Variants in CYP20A1 observed in about 807,000 individuals in gnomAD.
CYP20A1 encodes cytochrome P450 20A1.
CYP20A1 carries 61 observed loss-of-function variants against 61.4 expected under a neutral mutation model. The observed-to-expected ratio is 0.99, with a 90% CI of 0.81 to 1.23. The LOEUF is 1.23. Among genes scored for constraint, CYP20A1 ranks in the 50% most tolerant of loss-of-function variants. The pLI, the probability that CYP20A1 is intolerant of heterozygous loss-of-function variation, is 0.00. For missense variants in CYP20A1, 530 were observed against 542.4 expected, an observed-to-expected ratio of 0.98 and a Z score of 0.23; for synonymous variants, 193 against 188.2, an observed-to-expected ratio of 1.03 and a Z score of -0.21.
In CYP20A1 at chr2:203,299,728, G is replaced by A. The variant is rs2068943519; in HGVS notation, c.*2820G>A. Among the ~76,000 whole-genome samples the A allele has an allele frequency of 6.6e-6, 1 of 152,030 alleles. No homozygotes were observed. Among genetic ancestry groups the A allele is most frequent in the South Asian group, 2.1e-4 (1 of 4,816 alleles). On this transcript the variant is annotated 3_prime_UTR_variant, in exon 13 of 13. Coordinates refer to ENST00000356079, the MANE Select transcript of CYP20A1 (RefSeq NM_177538.3). ...CGTCTCTACTAAAAATACAAAATTA[G>A]CCAGGCTTGGTGGTGCATGCCTGTA...
intron 6 of CYP20A1, among the ~76,000 whole-genome samples, chr2:203,277,772 C>A (rs1488291653): frequency 6.6e-6 from 1 of 152,014 alleles, no homozygotes; most frequent in African/African-American, 2.4e-5. Context: ...CCTCGGCCTC[C>A]CAAAGTGCTG....
At chr2:203,292,914 G>A (rs1263459386) in intron 11 of CYP20A1, among the ~76,000 whole-genome samples, 1 of 152,048 alleles carries the variant, frequency 6.6e-6, no homozygotes, top group Non-Finnish European at 1.5e-5. Context: ...CGTGGCTCAT[G>A]CCTGTAATCC....
chr2:203,261,932 C>G lies in CYP20A1; in HGVS notation c.433-4582C>G, dbSNP rs1197960043. Among the ~76,000 whole-genome samples, 8 of 152,072 alleles carry G rather than the reference C, an allele frequency of 5.3e-5. 1 individual carries two copies. The highest frequency in any genetic ancestry group is 1.2e-4 in the Non-Finnish European group (8 of 68,030). ...TGGCAGGGCAAGCTGCTGGCCACTC[C>G]ATGCTGCAGGAGGTGCTGCAGGGTT... On this transcript the variant is annotated intron_variant, in intron 4 of 12. Coordinates refer to ENST00000356079, the MANE Select transcript of CYP20A1 (RefSeq NM_177538.3).
At chr2:203,253,571 C>T (rs985362680) in intron 4 of CYP20A1, among the ~76,000 whole-genome samples, 6 of 152,286 alleles carry the variant, frequency 3.9e-5, no homozygotes, top group East Asian at 1.9e-4. Context: ...AAAGACAGAA[C>T]GTGGTTTTTA....
intron 5 of CYP20A1, among the ~76,000 whole-genome samples, chr2:203,269,757 G>A (rs1357299756): frequency 6.6e-6 from 1 of 151,924 alleles, no homozygotes; most frequent in Non-Finnish European, 1.5e-5. Context: ...GCCTCCCAAA[G>A]TGCTGGGATT....
intron 5 of CYP20A1, among the ~76,000 whole-genome samples, chr2:203,270,950 C>T (rs1443890744): frequency 6.9e-6 from 1 of 145,922 alleles, no homozygotes; most frequent in African/African-American, 2.5e-5. Context: ...GCCTTGACCT[C>T]CCAAAGTGCT....
intron 1 of CYP20A1, among the ~76,000 whole-genome samples, chr2:203,243,859 T>C (rs1312147292): frequency 6.6e-6 from 1 of 151,872 alleles, no homozygotes; most frequent in Admixed American, 6.6e-5. Flanking sequence ...CGGCGAATTT[T>C]TTGTACTTTT....
intron 8 of CYP20A1, 72 bp from the exon 9 acceptor site, chr2:203,285,540 G>T (rs1165198623): frequency 1.4e-6 from 2 of 1,408,786 alleles, no homozygotes; most frequent in African/African-American, 2.9e-5. Context: ...TAAATAAGTA[G>T]TTTTTTTCTT....
chr2:203,278,449 CTTTG>C (rs2067911509), intron 6 of CYP20A1, 120 bp from the exon 7 acceptor site: 2 of 480,502 alleles, frequency 4.2e-6, no homozygotes, highest in South Asian at 1.1e-4. Context: ...AATTAGCTTT[CTTTG>C]TTGTTGGTTA....
chr2:203,281,572 G>A (rs1209403771), intron 8 of CYP20A1, among the ~76,000 whole-genome samples: 2 of 151,978 alleles, frequency 1.3e-5, no homozygotes, highest in East Asian at 3.9e-4. Flanking sequence ...GGAGGCTGAG[G>A]TGGGCAGATC....
chr2:203,293,908 C>G (rs943569328), intron 11 of CYP20A1, among the ~76,000 whole-genome samples: 1 of 152,024 alleles, frequency 6.6e-6, no homozygotes, highest in Non-Finnish European at 1.5e-5. Context: ...TCTTCAATGA[C>G]TTTACAGAGT....
rs60606072 is a variant in CYP20A1 at position 203,239,044 on chromosome 2, C to G, written c.-19C>G. On this transcript the variant is annotated 5_prime_UTR_variant, in exon 1 of 13. Coordinates refer to ENST00000356079, the MANE Select transcript of CYP20A1 (RefSeq NM_177538.3). The stretch of plus-strand genomic sequence containing the variant: ...CTGGAGCGGCCGATCCGAGACGTGG[C>G]TCCCTGGGCGGCAGAACCATGTTGG... 17 of 1,612,270 alleles carry G rather than the reference C, an allele frequency of 1.1e-5. No homozygotes were observed. The highest frequency in any genetic ancestry group is 1.7e-4 in the Middle Eastern group (1 of 6,060).
rs768994234 is a variant in CYP20A1, at chr2:203,285,718, A to T, written c.957A>T (p.Lys319Asn). ...VFGNGPVTPE[K>N]IEQLRYCQHV... is the part of the protein sequence containing the mutation. ...GAAATGGTCCTGTTACTCCAGAGAA[A>T]ATTGAGCAGCTCAGGTAAGAACACA... The change falls in exon 9 of 13, where the codon AAA becomes AAT. Residue 319 changes from lysine to asparagine, a missense_variant. Transcript: ENST00000356079. 4 of 1,594,122 alleles carry T rather than the reference A, an allele frequency of 2.5e-6. No individual in the cohort carries two copies. The African/African-American group carries it at 5.4e-5, about 22-fold the overall frequency.
chr2:203,277,505 T>TATATTTATTTATTTAGAGATAAATAAA (rs1227933300), intron 6 of CYP20A1, among the ~76,000 whole-genome samples: 11 of 152,064 alleles, frequency 7.2e-5, no homozygotes, highest in East Asian at 1.9e-4. Flanking sequence ...TTTTATTTTA[T>TATATTTATTTATTTAGAGATAAATAAA]ATATTTATTT....
intron 10 of CYP20A1, among the ~76,000 whole-genome samples, 188 bp from the exon 11 acceptor site, chr2:203,292,074 T>G (rs1403075406): frequency 6.6e-6 from 1 of 152,212 alleles, no homozygotes; most frequent in Non-Finnish European, 1.5e-5. Flanking sequence ...CTAGATTTTG[T>G]GACATGCTTA....
Position 203,289,877 on chromosome 2 carries a change from G to T in CYP20A1, c.1083+1G>T, listed in dbSNP as rs745467391. The T allele has an allele frequency of 2.4e-5, 35 of 1,464,540 alleles. No individual in the cohort carries two copies. Among genetic ancestry groups the T allele is most frequent in the Non-Finnish European group, 3.3e-5 (35 of 1,055,852 alleles). The allele number at this position is 1,464,540 out of a possible 1,614,324, so 90.7% of individuals were successfully genotyped here. A position where few individuals can be genotyped will look rare whatever the true frequency, so the allele number is the denominator to read the frequency against. Reference sequence around the variant, plus strand: ...TGACCGATTTATTATTCCTAGAGAGGTAGAAAACCTTTAATATGTTTAATT... The same window carrying T: ...TGACCGATTTATTATTCCTAGAGAGTTAGAAAACCTTTAATATGTTTAATT... On this transcript the variant is annotated splice_donor_variant, in intron 10 of 12. Coordinates refer to ENST00000356079, the MANE Select transcript of CYP20A1 (RefSeq NM_177538.3). LOFTEE classifies it high-confidence loss of function.
chr2:203,248,236 A>T (rs1018071628), intron 3 of CYP20A1, among the ~76,000 whole-genome samples: 5 of 152,086 alleles, frequency 3.3e-5, no homozygotes, highest in Admixed American at 1.3e-4. Flanking sequence ...TGTCTCTTGA[A>T]AAAAAAGAAT....
In CYP20A1 at chr2:203,282,747, T is replaced by C. The variant is rs565162635; in HGVS notation, c.850+2634T>C. Among the ~76,000 whole-genome samples the C allele has an allele frequency of 1.4e-4, 22 of 152,256 alleles. 1 individual carries two copies. The East Asian group carries it at 3.7e-3, about 25-fold the overall frequency. ...TAGATAAATAAGAAACCTTAATAAG[T>C]CCTTACTCTGCCCCTTATTAGCCTT... On this transcript the variant is annotated intron_variant, in intron 8 of 12. Coordinates refer to ENST00000356079, the MANE Select transcript of CYP20A1 (RefSeq NM_177538.3).
chr2:203,267,101 A>T (rs149260043), intron 5 of CYP20A1, among the ~76,000 whole-genome samples: 14 of 152,148 alleles, frequency 9.2e-5, no homozygotes, highest in African/African-American at 2.4e-4. Context: ...GTTCAAGGCT[A>T]CAGAGAGCTA....
Sources: allele counts gnomAD v4.1 joint callset (sites outside exome capture counted in the v4.1 genomes callset), GRCh38; gene constraint gnomAD v4.1.1; transcripts MANE v1.5; gene names NCBI Gene and HGNC (gene_info 2026-07-23, HGNC 2026-07-21).